USH2A: variants seen among roughly 807,000 people sequenced by gnomAD.
USH2A encodes Usher syndrome 2A (autosomal recessive, mild).
Under a neutral mutation model 538.9 loss-of-function variants are expected in USH2A, and 443 were observed. That is an observed-to-expected ratio of 0.82 (90% CI 0.76 to 0.89). The LOEUF (loss-of-function observed/expected upper bound fraction) is 0.89, where lower values mean the gene tolerates loss of function less well. USH2A is among the 40% of genes least tolerant of loss of function. The pLI is 0.00. For synonymous variants in USH2A, 2,413 were observed against 2,273.5 expected, an observed-to-expected ratio of 1.06 and a Z score of -1.75; for missense variants, 6,633 against 6,324.8, an observed-to-expected ratio of 1.05 and a Z score of -1.65.
At chr1:216,060,549 T>A (rs1175222823) in intron 30 of USH2A, among the ~76,000 whole-genome samples, 1 of 152,236 alleles carries the variant, frequency 6.6e-6, no homozygotes, top group African/African-American at 2.4e-5. Context: ...TTATCATTAT[T>A]GATTCATTTG....
intron 61 of USH2A, among the ~76,000 whole-genome samples, chr1:215,690,180 C>T (rs1658555328): frequency 6.6e-6 from 1 of 152,114 alleles, no homozygotes; most frequent in South Asian, 2.1e-4. Flanking sequence ...ACTCTTTAAC[C>T]AATAGTGGCC....
intron 49 of USH2A, among the ~76,000 whole-genome samples, chr1:215,800,680 T>G (rs569272459): frequency 6.6e-6 from 1 of 152,208 alleles, no homozygotes; most frequent in East Asian, 1.9e-4. Context: ...TAATTAAACA[T>G]AGATATATAA....
chr1:215,637,240 T>G (rs1300558470), intron 69 of USH2A, among the ~76,000 whole-genome samples: 3 of 152,144 alleles, frequency 2.0e-5, no homozygotes, highest in Non-Finnish European at 4.4e-5. Context: ...CAACCTTGGT[T>G]TTCCGGCATC....
At chr1:215,802,405 A>G (rs138352181) in intron 49 of USH2A, among the ~76,000 whole-genome samples, 2,754 of 152,200 alleles carry the variant, frequency 0.018, 89 homozygotes, top group African/African-American at 0.063. Context: ...AAGAACTTCT[A>G]TAACTCAAAA....
chr1:216,315,672 G>A (rs960013177), intron 9 of USH2A, among the ~76,000 whole-genome samples: 3 of 152,108 alleles, frequency 2.0e-5, no homozygotes, highest in Admixed American at 6.5e-5. Flanking sequence ...CAAATTGGTA[G>A]AGTACACAAA....
In USH2A at chr1:215,782,812, G is replaced by A. The variant is rs745651002; in HGVS notation, c.10511C>T (p.Pro3504Leu). Residue 3504 changes from proline to leucine, a missense_variant, in exon 53 of 72, where the codon CCC becomes CTC. Pro to Leu is a moderately conservative substitution (Grantham distance 98). Coordinates refer to ENST00000307340, the MANE Select transcript of USH2A (RefSeq NM_206933.4). ...ATTGTCTATTTTGGTCCACGTAGGGGGACTCACTCCTTGAGGCACATCTTC... is the reference window on the plus strand; with the variant it reads ...ATTGTCTATTTTGGTCCACGTAGGGAGACTCACTCCTTGAGGCACATCTTC... ...TKEDVPQGVS[P>L]PTWTKIDNLE... 5.6e-6 allele frequency: 9 copies of A among 1,613,936 alleles called. No individual in the cohort carries two copies. The highest frequency in any genetic ancestry group is 6.8e-6 in the Non-Finnish European group (8 of 1,179,920).
chr1:215,925,703 T>C (rs972563459), intron 38 of USH2A, among the ~76,000 whole-genome samples: 1 of 152,192 alleles, frequency 6.6e-6, no homozygotes. Flanking sequence ...TAACCTACGT[T>C]TATTTTTAAA....
At chr1:215,931,540 A>G (rs1221520959) in intron 38 of USH2A, among the ~76,000 whole-genome samples, 5 of 152,068 alleles carry the variant, frequency 3.3e-5, no homozygotes, top group African/African-American at 1.2e-4. Context: ...TTTTATCTAC[A>G]TAACCAGAGC....
intron 46 of USH2A, among the ~76,000 whole-genome samples, chr1:215,840,855 G>A (rs1328777281): frequency 6.6e-6 from 1 of 152,114 alleles, no homozygotes; most frequent in Non-Finnish European, 1.5e-5. Context: ...TTTTTATATA[G>A]CTATATTTCT....
intron 62 of USH2A, among the ~76,000 whole-genome samples, chr1:215,676,106 T>TTGTGTG (rs563148237): frequency 1.3e-5 from 2 of 151,728 alleles, no homozygotes; most frequent in African/African-American, 4.8e-5. Context: ...AAGAGTATGC[T>TTGTGTG]TGTGTGTGTG....
rs1174478013 is a variant in USH2A, at chr1:216,072,946, A to G, written c.5800T>C (p.Ser1934Pro). Residue 1934 changes from serine to proline, a missense_variant, in exon 29 of 72, where the codon TCG (serine) becomes CCG (proline). Ser to Pro is a moderately conservative substitution (Grantham distance 74, BLOSUM62 -1). Coordinates refer to ENST00000307340, the MANE Select transcript of USH2A (RefSeq NM_206933.4). ...FTEYLYRVIA[S>P]HEGGSVYSDW... ...CTATATACTGAACCTCCTTCATGCGAGGCTATCACTCGATACAGGTATTCT... is the reference window on the plus strand; with the variant it reads ...CTATATACTGAACCTCCTTCATGCGGGGCTATCACTCGATACAGGTATTCT... The G allele has an allele frequency of 6.2e-7, 1 of 1,613,866 alleles. No individual in the cohort carries two copies. Among genetic ancestry groups the G allele is most frequent in the East Asian group, 2.2e-5 (1 of 44,882 alleles).
intron 32 of USH2A, among the ~76,000 whole-genome samples, chr1:216,009,721 C>G (rs150483408): frequency 6.6e-6 from 1 of 152,148 alleles, no homozygotes; most frequent in African/African-American, 2.4e-5. Context: ...CCCAATTCTT[C>G]CTCAGCCTCC....
In USH2A at chr1:215,937,322, C is replaced by T. The variant is rs541188640; in HGVS notation, c.7121-2527G>A. On this transcript the variant is annotated intron_variant, in intron 37 of 71. Coordinates refer to ENST00000307340, the MANE Select transcript of USH2A (RefSeq NM_206933.4). The stretch of plus-strand genomic sequence containing the variant: ...GACATTATGAAACCTACAAAGCAGC[C>T]TTTGATAATTTCATTATGCACTAAA... Among the ~76,000 whole-genome samples the T allele has an allele frequency of 3.4e-4, 51 of 152,138 alleles. No homozygotes were observed. In the South Asian group the frequency reaches 1.0e-2, roughly 30 times the overall value.
At chr1:216,394,618 G>T (rs2039172528) in intron 3 of USH2A, among the ~76,000 whole-genome samples, 1 of 151,534 alleles carries the variant, frequency 6.6e-6, no homozygotes, top group African/African-American at 2.4e-5. Flanking sequence ...TCACAGGAAT[G>T]AATAATAAAC....
At chr1:216,404,040 A>G (rs533247296) in intron 3 of USH2A, among the ~76,000 whole-genome samples, 1 of 152,166 alleles carries the variant, frequency 6.6e-6, no homozygotes, top group Non-Finnish European at 1.5e-5. Context: ...CAAGTCAATT[A>G]AACCTCTTTT....
chr1:216,152,592 T>C (rs921257793), intron 21 of USH2A, among the ~76,000 whole-genome samples: 5 of 152,136 alleles, frequency 3.3e-5, no homozygotes, highest in Non-Finnish European at 7.3e-5. Flanking sequence ...TCACTGACTC[T>C]CTTTTCAGAC....
At chr1:216,010,721 T>C (rs2102492026) in intron 32 of USH2A, among the ~76,000 whole-genome samples, 1 of 151,742 alleles carries the variant, frequency 6.6e-6, no homozygotes, top group African/African-American at 2.4e-5. Context: ...TTTTAAGCAC[T>C]CCTTTTTAGT....
rs150957107 is a variant in USH2A, at chr1:215,894,504, ACT to A, written c.7595-5452_7595-5451del. 3.9e-3 allele frequency among the ~76,000 whole-genome samples: 586 copies of A among 152,040 alleles called. 5 individuals carry two copies. Among genetic ancestry groups the A allele is most frequent in the African/African-American group, 0.014 (562 of 41,464 alleles). Reference sequence around the variant, plus strand: ...CTGTTACACGGTCTCAGAGTATTTTACTCTTATTACAGGTTGTGAGAATAAAA... The same window carrying A: ...CTGTTACACGGTCTCAGAGTATTTTACTTATTACAGGTTGTGAGAATAAAA... On this transcript the variant is annotated intron_variant, in intron 40 of 71. Coordinates refer to ENST00000307340, the MANE Select transcript of USH2A (RefSeq NM_206933.4).
At chr1:215,968,122 G>A (rs1025592099) in intron 36 of USH2A, among the ~76,000 whole-genome samples, 1 of 152,096 alleles carries the variant, frequency 6.6e-6, no homozygotes, top group Non-Finnish European at 1.5e-5. Context: ...CATTTAAAAA[G>A]TTCCTGCTGC....
Sources: gnomAD v4.1 joint callset for allele counts (sites outside exome capture counted in the v4.1 genomes callset) on GRCh38, gnomAD v4.1.1 for gene constraint, MANE v1.5 for transcripts, NCBI Gene and HGNC (gene_info 2026-07-23, HGNC 2026-07-21) for gene names.